PCDH10: variants seen among roughly 807,000 people sequenced by gnomAD.
PCDH10 encodes the protein protocadherin-10.
Under a neutral mutation model 74.4 loss-of-function variants are expected in PCDH10, and 15 were observed. The ratio of observed to expected loss-of-function variants is 0.20; its 90% CI spans 0.13 to 0.31. The LOEUF is 0.31. Ranked by LOEUF, PCDH10 falls within the 10% of genes least tolerant of loss-of-function variation. The probability of loss-of-function intolerance (pLI) is 1.00; values close to 1 mark genes in which losing one functional copy is unlikely to be tolerated. For missense variants in PCDH10, 1,260 were observed against 1,390.2 expected (o/e 0.91, Z 1.49); for synonymous variants, 619 against 589.8 (o/e 1.05, Z -0.72).
chr4:133,205,999 T>A (rs943811694), intron 2 of PCDH10, among the ~76,000 whole-genome samples: 1 of 152,192 alleles, frequency 6.6e-6, no homozygotes, highest in African/African-American at 2.4e-5. Context: ...ATTAAGAATG[T>A]AGGTACTCTA....
chr4:133,180,501 C>T (rs1727394119), intron 4 of PCDH10, among the ~76,000 whole-genome samples: 1 of 151,616 alleles, frequency 6.6e-6, no homozygotes, highest in Admixed American at 6.6e-5. Context: ...TTTTTAATAT[C>T]ATGTTGAAGG....
chr4:133,187,194 G>C (rs2125872662), intron 4 of PCDH10, among the ~76,000 whole-genome samples: 1 of 152,092 alleles, frequency 6.6e-6, no homozygotes, highest in East Asian at 1.9e-4. Flanking sequence ...AAAAATATTT[G>C]GAAAAAAGTC....
At position 133,191,706 on chromosome 4, in the gene PCDH10, C is replaced by T. The variant is rs765841518; in HGVS notation, c.*1546C>T. Reference sequence around the variant, plus strand: ...AAAACAGAATTGTCACAGCTCCCCTCGCCCTCTAAACTATGATATCAAAAC... The same window carrying T: ...AAAACAGAATTGTCACAGCTCCCCTTGCCCTCTAAACTATGATATCAAAAC... On this transcript the variant is annotated 3_prime_UTR_variant, in exon 5 of 5. Transcript: ENST00000264360. 9.2e-5 allele frequency: 14 copies of T among 151,592 alleles called. No individual in the cohort carries two copies. The highest frequency in any genetic ancestry group is 2.9e-4 in the African/African-American group (12 of 41,358). 9.4% of individuals were successfully genotyped at this position (151,592 alleles called of 1,614,324 possible).
chr4:133,195,025 A>T (rs1727767332), downstream of PCDH10, among the ~76,000 whole-genome samples: 1 of 152,062 alleles, frequency 6.6e-6, no homozygotes, highest in Non-Finnish European at 1.5e-5. Flanking sequence ...GATTTTATCT[A>T]TAACTTTAGA....
downstream of PCDH10, among the ~76,000 whole-genome samples, chr4:133,197,911 TTAA>T (rs1727825664): frequency 6.6e-6 from 1 of 151,748 alleles, no homozygotes. Context: ...TGTTTCCTAA[TTAA>T]TAATAGAGTG....
chr4:133,202,403 T>C (rs963586589), intron 2 of PCDH10, among the ~76,000 whole-genome samples: 5 of 152,160 alleles, frequency 3.3e-5, no homozygotes, highest in Non-Finnish European at 5.9e-5. Flanking sequence ...TTGCACTGAG[T>C]ACCTTACTCA....
At position 133,193,710 on chromosome 4, in the gene PCDH10, A is replaced by G. The variant is rs914187718; in HGVS notation, c.*3550A>G. ...ATGTGTTTTTCCCCCTCATGTTTCT[A>G]TGTGTGCTATTGATACCCAAGGAAC... is the stretch of plus-strand genomic sequence containing the variant. On this transcript the variant is annotated 3_prime_UTR_variant, in exon 5 of 5. Coordinates refer to ENST00000264360, the MANE Select transcript of PCDH10 (RefSeq NM_032961.3). 5 of 151,580 alleles carry G rather than the reference A, an allele frequency of 3.3e-5. No homozygotes were observed. Among genetic ancestry groups the G allele is most frequent in the Admixed American group, 6.6e-5 (1 of 15,166 alleles). 9.4% of individuals were successfully genotyped at this position (151,580 alleles called of 1,614,324 possible). A position where few individuals can be genotyped will look rare whatever the true frequency, so the allele number is the denominator to read the frequency against.
chr4:133,170,293 A>G (rs541619781), intron 4 of PCDH10, among the ~76,000 whole-genome samples: 5 of 152,128 alleles, frequency 3.3e-5, no homozygotes, highest in Non-Finnish European at 2.9e-5. Context: ...TTAGAGATAC[A>G]GTTCTTTTGA....
At chr4:133,159,766 A>C (rs1012616554) in intron 3 of PCDH10, among the ~76,000 whole-genome samples, 1 of 152,038 alleles carries the variant, frequency 6.6e-6, no homozygotes, top group Non-Finnish European at 1.5e-5. Flanking sequence ...TGAGAAAAAG[A>C]AAAATTAAGT....
chr4:133,169,634 A>C (rs1727163972), intron 4 of PCDH10, among the ~76,000 whole-genome samples: 1 of 151,912 alleles, frequency 6.6e-6, no homozygotes, highest in African/African-American at 2.4e-5. Flanking sequence ...TTAAAATATA[A>C]ATAGAATTAT....
chr4:133,167,143 T>A (rs1211218668), intron 4 of PCDH10, among the ~76,000 whole-genome samples: 1 of 151,520 alleles, frequency 6.6e-6, no homozygotes, highest in African/African-American at 2.4e-5. Flanking sequence ...ATTAAAAAAA[T>A]AAATTTCTAA....
intron 4 of PCDH10, among the ~76,000 whole-genome samples, chr4:133,172,044 C>T (rs971518674): frequency 2.6e-5 from 4 of 151,946 alleles, no homozygotes; most frequent in Non-Finnish European, 5.9e-5. Context: ...ATGATGAATA[C>T]TTTCAAGCAT....
rs1727688983 is a variant in PCDH10, at chr4:133,192,110, T to G, written c.*1950T>G. 6.6e-6 allele frequency: 1 copy of G among 151,646 alleles called. No individual in the cohort carries two copies. Among genetic ancestry groups the G allele is most frequent in the African/African-American group, 2.4e-5 (1 of 41,396 alleles). 9.4% of individuals were successfully genotyped at this position (151,646 alleles called of 1,614,324 possible). On this transcript the variant is annotated 3_prime_UTR_variant, in exon 5 of 5. Coordinates refer to ENST00000264360, the MANE Select transcript of PCDH10 (RefSeq NM_032961.3). ...TCAGTTCATATATCAAAATAATGTA[T>G]GTAATGTTCCAGCCTTTTGAAGTCT...
At position 133,151,012 on chromosome 4, in the gene PCDH10, G is replaced by T; in HGVS notation, c.872G>T (p.Ser291Ile). Residue 291 changes from serine (S) to isoleucine (I), a missense_variant, in exon 1 of 5, where the codon AGC (serine) becomes ATC (isoleucine). Physicochemically the swap from Ser to Ile is moderately radical, Grantham distance 142. Around this residue, in one of 11 missense-constraint regions of PCDH10, gnomAD observed 192 missense variants for 161.2 expected, o/e 1.19. Transcript: ENST00000264360. ...QNGEVVYSFS[S>I]HISPRARELF... is the part of the protein sequence containing the mutation. ...GGTGAGGTCGTGTACTCCTTCAGCA[G>T]CCACATTTCGCCCCGGGCGCGGGAG... 1 of 1,613,804 alleles carries T rather than the reference G, an allele frequency of 6.2e-7. No individual in the cohort carries two copies. Among genetic ancestry groups the T allele is most frequent in the Non-Finnish European group, 8.5e-7 (1 of 1,180,036 alleles).
rs977294617 is a variant in PCDH10 at position 133,170,883 on chromosome 4, G to A, written c.3103+7601G>A. ...AATTTTTTGTATTTTTAGTAGAGACGAGGTGTCATCCTGTTAGCCCAGATG... is the reference window on the plus strand; with the variant it reads ...AATTTTTTGTATTTTTAGTAGAGACAAGGTGTCATCCTGTTAGCCCAGATG... On this transcript the variant is annotated intron_variant, in intron 4 of 4. Transcript: ENST00000264360. Among the ~76,000 whole-genome samples the A allele has an allele frequency of 3.9e-5, 6 of 152,018 alleles. No homozygotes were observed. In the East Asian group the frequency reaches 5.8e-4, roughly 15 times the overall value.
Position 133,152,284 on chromosome 4 carries a change from C to A in PCDH10, c.2144C>A (p.Thr715Asn), listed in dbSNP as rs1394697875. The change falls in exon 1 of 5, where the codon ACC becomes AAC. Residue 715 changes from threonine to asparagine, a missense_variant. Thr to Asn is a moderately conservative substitution (Grantham distance 65, BLOSUM62 0). Transcript: ENST00000264360. ...GGCGGGGAAACCTCGCTAGACCTCACCCTCATCCTCATCATCGCGTTGGGC... is the reference window on the plus strand; with the variant it reads ...GGCGGGGAAACCTCGCTAGACCTCAACCTCATCCTCATCATCGCGTTGGGC... ...SGGGETSLDL[T>N]LILIIALGSV... 1 of 1,614,108 alleles carries A rather than the reference C, an allele frequency of 6.2e-7. No individual in the cohort carries two copies. The highest frequency in any genetic ancestry group is 8.5e-7 in the Non-Finnish European group (1 of 1,180,004).
chr4:133,207,567 AG>A (rs1178212210), intron 2 of PCDH10, among the ~76,000 whole-genome samples: 2 of 141,596 alleles, frequency 1.4e-5, no homozygotes, highest in Non-Finnish European at 3.2e-5. Flanking sequence ...TATATTTGTG[AG>A]GTTTTTTTTT....
Position 133,190,419 on chromosome 4 carries a change from A to G in PCDH10, c.*259A>G. On this transcript the variant is annotated 3_prime_UTR_variant, in exon 5 of 5. Coordinates refer to ENST00000264360, the MANE Select transcript of PCDH10 (RefSeq NM_032961.3). ...CCCCGATCAGTGTGTGCCTGTTTAC[A>G]GCACTATCTATCTTTCTCTCTCCAA... 2.0e-6 allele frequency: 1 copy of G among 489,108 alleles called. No individual in the cohort carries two copies. Among genetic ancestry groups the G allele is most frequent in the South Asian group, 3.8e-5 (1 of 26,058 alleles). The allele number at this position is 489,108 out of a possible 1,614,324, so 30.3% of individuals were successfully genotyped here.
chr4:133,181,548 G>A (rs1727418258), intron 4 of PCDH10, among the ~76,000 whole-genome samples: 1 of 151,968 alleles, frequency 6.6e-6, no homozygotes, highest in African/African-American at 2.4e-5. Context: ...ATTATTCATT[G>A]TTTATCTGAA....
Sources: gnomAD v4.1 joint callset for allele counts (sites outside exome capture counted in the v4.1 genomes callset) on GRCh38, gnomAD v4.1.1 for gene constraint, gnomAD v4.1.1 regional missense constraint, MANE v1.5 for transcripts, NCBI Gene and HGNC (gene_info 2026-07-23, HGNC 2026-07-21) for gene names.